TMEM108: variants seen among roughly 807,000 people sequenced by gnomAD.
TMEM108 encodes transmembrane protein 108, also known as cancer/testis antigen 124.
In TMEM108, 12 loss-of-function variants were observed where a neutral mutation model predicts 35.1. That is an observed-to-expected ratio of 0.34 (90% CI 0.22 to 0.55). TMEM108 has a LOEUF of 0.55. Among genes scored for constraint, TMEM108 ranks in the 20% least tolerant of loss-of-function variants. TMEM108 has a pLI of 0.89. For synonymous variants in TMEM108, 287 were observed against 308.6 expected (o/e 0.93, Z 0.73); for missense variants, 680 against 753.3 (o/e 0.90, Z 1.14).
intron 4 of TMEM108, chr3:133,388,545 C>G (rs571669732): frequency 1.0e-6 from 1 of 985,352 alleles, no homozygotes; most frequent in East Asian, 1.1e-4. Flanking sequence ...CAGCTAATCT[C>G]TCAAATCCCC....
chr3:133,170,438 T>C (rs1020772034), intron 2 of TMEM108, among the ~76,000 whole-genome samples: 1 of 152,190 alleles, frequency 6.6e-6, no homozygotes, highest in Non-Finnish European at 1.5e-5. Flanking sequence ...AGCTAAGGTA[T>C]GAGTGAAGGA....
At chr3:133,291,805 C>T (rs1375784760) in intron 3 of TMEM108, among the ~76,000 whole-genome samples, 3 of 152,182 alleles carry the variant, frequency 2.0e-5, no homozygotes, top group Non-Finnish European at 4.4e-5. Context: ...GTTTCAACTC[C>T]TTTCCCATCT....
chr3:133,094,207 C>T (rs1474638420), intron 2 of TMEM108, among the ~76,000 whole-genome samples: 1 of 137,074 alleles, frequency 7.3e-6, no homozygotes, highest in Admixed American at 7.6e-5. Context: ...TTCTTTCTCC[C>T]CTTCCCACCT....
At chr3:133,287,943 A>G (rs925116384) in intron 3 of TMEM108, among the ~76,000 whole-genome samples, 7 of 152,198 alleles carry the variant, frequency 4.6e-5, no homozygotes, top group African/African-American at 1.7e-4. Context: ...TATGTTCCCA[A>G]CGTCATCCCT....
At chr3:133,306,607 G>C (rs2699871) in intron 3 of TMEM108, among the ~76,000 whole-genome samples, 1 of 152,072 alleles carries the variant, frequency 6.6e-6, no homozygotes, top group African/African-American at 2.4e-5. Flanking sequence ...ATGAGTGAGA[G>C]CATGCGGTGT....
At chr3:133,166,063 G>C (rs1364384427) in intron 2 of TMEM108, among the ~76,000 whole-genome samples, 1 of 152,222 alleles carries the variant, frequency 6.6e-6, no homozygotes, top group African/African-American at 2.4e-5. Flanking sequence ...TGATAGAACA[G>C]GGGTTCAGTT....
rs138982084 is a variant in TMEM108 at position 133,252,720 on chromosome 3, T to C, written c.40+23369T>C. 1.2e-4 allele frequency among the ~76,000 whole-genome samples: 19 copies of C among 152,230 alleles called. No individual in the cohort carries two copies. In the East Asian group the frequency reaches 3.5e-3, roughly 28 times the overall value. ...CATTTTGAGAACTAAATGAGTAGAT[T>C]TGGAGACTTCTCTGAACCTCCGAAC... On this transcript the variant is annotated intron_variant, in intron 3 of 5. Coordinates refer to ENST00000321871, the MANE Select transcript of TMEM108 (RefSeq NM_023943.4).
intron 3 of TMEM108, among the ~76,000 whole-genome samples, chr3:133,304,675 A>G (rs531950862): frequency 2.3e-4 from 35 of 152,250 alleles, no homozygotes; most frequent in Non-Finnish European, 4.6e-4. Flanking sequence ...CCTGTATCAA[A>G]ATTTTATTCC....
At position 133,346,269 on chromosome 3, in the gene TMEM108, T is replaced by C. The variant is rs1157268931; in HGVS notation, c.41-33483T>C. ...CATTCCTGTCAGCACTGAATGAGAG[T>C]TCCTGTTACTTCACTTCCTCACCAG... is the stretch of plus-strand genomic sequence containing the variant. On this transcript the variant is annotated intron_variant, in intron 3 of 5. Coordinates refer to ENST00000321871, the MANE Select transcript of TMEM108 (RefSeq NM_023943.4). The surrounding 1 kb of genome is among the most constrained non-coding windows in gnomAD (Gnocchi z 4.0). 6.6e-6 allele frequency among the ~76,000 whole-genome samples: 1 copy of C among 151,974 alleles called. No homozygotes were observed. Among genetic ancestry groups the C allele is most frequent in the African/African-American group, 2.4e-5 (1 of 41,444 alleles).
At chr3:133,066,796 A>G (rs1371222132) in intron 2 of TMEM108, among the ~76,000 whole-genome samples, 4 of 152,192 alleles carry the variant, frequency 2.6e-5, no homozygotes, top group African/African-American at 4.8e-5. Context: ...CTCTTTACCA[A>G]TTGCATTCCC....
chr3:133,210,436 A>G (rs1945819154), intron 2 of TMEM108, among the ~76,000 whole-genome samples: 1 of 152,174 alleles, frequency 6.6e-6, no homozygotes, highest in Admixed American at 6.5e-5. Flanking sequence ...TAATAGCCAT[A>G]TTGGGAGCCT....
At chr3:133,180,196 G>T (rs1291488463) in intron 2 of TMEM108, among the ~76,000 whole-genome samples, 1 of 151,990 alleles carries the variant, frequency 6.6e-6, no homozygotes, top group Non-Finnish European at 1.5e-5. Context: ...GGGGGAGAGG[G>T]ACTAGAAAAT....
intron 3 of TMEM108, among the ~76,000 whole-genome samples, chr3:133,370,870 T>TTGTGTGTG (rs2072641047): frequency 3.8e-5 from 3 of 79,522 alleles, no homozygotes; most frequent in African/African-American, 8.7e-5. Context: ...CCCCAGCCCA[T>TTGTGTGTG]AGTGTGTGTG....
rs62279004 is a variant in TMEM108, at chr3:133,292,871, C to A, written c.40+63520C>A. Among the ~76,000 whole-genome samples the A allele has an allele frequency of 5.3e-5, 8 of 152,198 alleles. No individual in the cohort carries two copies. The East Asian group carries it at 1.4e-3, about 26-fold the overall frequency. On this transcript the variant is annotated intron_variant, in intron 3 of 5. Coordinates refer to ENST00000321871, the MANE Select transcript of TMEM108 (RefSeq NM_023943.4). ...TATTTCATATGCCACTTGCTTACAC[C>A]AACTTAAGCCAAATAACTGGCCAAA...
At chr3:133,200,129 G>A (rs1266365343) in intron 2 of TMEM108, among the ~76,000 whole-genome samples, 2 of 152,174 alleles carry the variant, frequency 1.3e-5, no homozygotes, top group African/African-American at 4.8e-5. Context: ...CGCAGTATTA[G>A]GGTAGGAGTG....
intron 3 of TMEM108, among the ~76,000 whole-genome samples, chr3:133,234,666 A>G (rs1946206574): frequency 6.6e-6 from 1 of 152,146 alleles, no homozygotes; most frequent in South Asian, 2.1e-4. Flanking sequence ...CAAAAACTGG[A>G]AGCATTCCCT....
At chr3:133,091,322 G>A (rs1303027862) in intron 2 of TMEM108, among the ~76,000 whole-genome samples, 1 of 152,150 alleles carries the variant, frequency 6.6e-6, no homozygotes, top group Non-Finnish European at 1.5e-5. Context: ...GGCTTCCCCA[G>A]TGAGTGTGAA....
intron 3 of TMEM108, among the ~76,000 whole-genome samples, chr3:133,373,499 C>T (rs892785200): frequency 4.3e-4 from 65 of 152,016 alleles, no homozygotes; most frequent in African/African-American, 1.5e-3. Context: ...GGCCTGAGTC[C>T]CTCCCTGTCC....
At chr3:133,042,740 T>G (rs560170275) in intron 1 of TMEM108, among the ~76,000 whole-genome samples, 1 of 152,198 alleles carries the variant, frequency 6.6e-6, no homozygotes, top group Admixed American at 6.5e-5. Flanking sequence ...CAGTTCAGAG[T>G]TGAGTTTCTT....
Sources: gnomAD v4.1 joint callset for allele counts (sites outside exome capture counted in the v4.1 genomes callset) on GRCh38, gnomAD v4.1.1 for gene constraint, Gnocchi (gnomAD v3.1) non-coding constraint, MANE v1.5 for transcripts, NCBI Gene and HGNC (gene_info 2026-07-23, HGNC 2026-07-21) for gene names.